Variants in ADGRL3 observed in about 807,000 individuals in gnomAD.
ADGRL3 encodes the protein adhesion G protein-coupled receptor L3.
ADGRL3 carries 62 observed loss-of-function variants against 153.5 expected under a neutral mutation model. The observed-to-expected ratio is 0.40, with a 90% confidence interval of 0.33 to 0.50. The LOEUF is 0.50. Among genes scored for constraint, ADGRL3 ranks in the 20% least tolerant of loss-of-function variants. The probability of loss-of-function intolerance (pLI) is 0.47; values close to 1 mark genes in which losing one functional copy is unlikely to be tolerated. For missense variants in ADGRL3, 1,641 were observed against 1,859.4 expected (o/e 0.88, Z 2.16); for synonymous variants, 710 against 672.5 (o/e 1.06, Z -0.86).
rs536476739 is a variant in ADGRL3, at chr4:61,200,873, A to C, written c.-1132A>C. Among the ~76,000 whole-genome samples the C allele has an allele frequency of 6.6e-6, 1 of 151,308 alleles. No individual in the cohort carries two copies. Among genetic ancestry groups the C allele is most frequent in the South Asian group, 2.1e-4 (1 of 4,790 alleles). ...GCCCGGCCCGGCCGGCGAGCTAATC[A>C]TCCACCCCACGGGCTCGGGGTTCGC... On this transcript the variant is annotated 5_prime_UTR_variant, in exon 1 of 27. Coordinates refer to ENST00000683033, the MANE Select transcript of ADGRL3 (RefSeq NM_001387552.1).
chr4:61,458,906 C>T (rs573834490), intron 2 of ADGRL3, among the ~76,000 whole-genome samples: 4 of 151,534 alleles, frequency 2.6e-5, no homozygotes, highest in African/African-American at 9.6e-5. Flanking sequence ...CTATTTACCA[C>T]ATTTTTCTAT....
chr4:61,502,945 T>C (rs1484463046), intron 3 of ADGRL3, among the ~76,000 whole-genome samples: 1 of 152,182 alleles, frequency 6.6e-6, no homozygotes, highest in African/African-American at 2.4e-5. Flanking sequence ...TCTGCAGTAA[T>C]ATAACTATGT....
intron 1 of ADGRL3, among the ~76,000 whole-genome samples, chr4:61,374,549 A>C (rs77701387): frequency 0.013 from 2,019 of 152,244 alleles, 46 homozygotes; most frequent in African/African-American, 0.046. Flanking sequence ...CTCAGTACTG[A>C]AGATTTTCTG....
intron 1 of ADGRL3, among the ~76,000 whole-genome samples, chr4:61,378,117 A>G (rs571167026): frequency 6.6e-6 from 1 of 152,056 alleles, no homozygotes; most frequent in Admixed American, 6.6e-5. Context: ...CATTAAGCCT[A>G]TTTGGGGATG....
At chr4:61,455,742 A>G (rs1725265271) in intron 2 of ADGRL3, among the ~76,000 whole-genome samples, 1 of 152,060 alleles carries the variant, frequency 6.6e-6, no homozygotes, top group Non-Finnish European at 1.5e-5. Context: ...GCAACTTCTC[A>G]GCTATTGTAT....
intron 9 of ADGRL3, among the ~76,000 whole-genome samples, chr4:61,839,196 T>G (rs1191133891): frequency 6.6e-6 from 1 of 152,088 alleles, no homozygotes; most frequent in Non-Finnish European, 1.5e-5. Flanking sequence ...TTTGTTTTGT[T>G]TTTCTTTTTT....
chr4:61,862,255 G>T (rs1220329811), intron 9 of ADGRL3, among the ~76,000 whole-genome samples: 6 of 152,100 alleles, frequency 3.9e-5, no homozygotes, highest in Non-Finnish European at 1.5e-5. Context: ...TTTCTCTATG[G>T]CAAGGTCACA....
chr4:61,986,022 T>G (rs2099084425), intron 19 of ADGRL3, among the ~76,000 whole-genome samples: 3 of 151,624 alleles, frequency 2.0e-5, no homozygotes, highest in African/African-American at 7.3e-5. Context: ...CTTTGATATA[T>G]TCATGTAACA....
intron 2 of ADGRL3, among the ~76,000 whole-genome samples, chr4:61,491,561 T>A (rs2098258212): frequency 6.6e-6 from 1 of 152,136 alleles, no homozygotes; most frequent in South Asian, 2.1e-4. Flanking sequence ...AACTGGTTAT[T>A]CTTCTTTGTA....
chr4:61,320,249 C>T (rs747643921), intron 1 of ADGRL3, among the ~76,000 whole-genome samples: 76 of 152,208 alleles, frequency 5.0e-4, no homozygotes, highest in Non-Finnish European at 6.3e-4. Flanking sequence ...AAGTCCAGGC[C>T]GACTAATGTA....
intron 1 of ADGRL3, among the ~76,000 whole-genome samples, chr4:61,368,991 A>C (rs1207442778): frequency 1.3e-5 from 2 of 152,160 alleles, no homozygotes; most frequent in Admixed American, 6.6e-5. Flanking sequence ...CTTTGAAGCA[A>C]TTGTGAATGG....
chr4:62,029,770 C>G (rs541381196), intron 22 of ADGRL3, among the ~76,000 whole-genome samples: 2 of 149,824 alleles, frequency 1.3e-5, no homozygotes, highest in Admixed American at 6.7e-5. Context: ...TTGGGCCCAT[C>G]ATGTGTTTTC....
chr4:61,266,852 C>G (rs2092876654), intron 1 of ADGRL3, among the ~76,000 whole-genome samples: 1 of 151,644 alleles, frequency 6.6e-6, no homozygotes, highest in African/African-American at 2.4e-5. Flanking sequence ...ATAGTAAAAT[C>G]ATAGGAACGT....
At chr4:61,241,582 A>G (rs1021653447) in intron 1 of ADGRL3, among the ~76,000 whole-genome samples, 6 of 152,060 alleles carry the variant, frequency 3.9e-5, no homozygotes, top group Non-Finnish European at 7.4e-5. Context: ...TTTATAGGTT[A>G]CTTAGAAACA....
At chr4:61,257,781 A>G (rs1227387413) in intron 1 of ADGRL3, among the ~76,000 whole-genome samples, 3 of 152,184 alleles carry the variant, frequency 2.0e-5, no homozygotes, top group Non-Finnish European at 4.4e-5. Flanking sequence ...CAAACTTATT[A>G]AAGATTATTT....
chr4:61,519,056 T>G (rs2098514817), intron 4 of ADGRL3, among the ~76,000 whole-genome samples: 1 of 152,164 alleles, frequency 6.6e-6, no homozygotes, highest in Non-Finnish European at 1.5e-5. Flanking sequence ...TTTCTAGAAT[T>G]AAGAAGAAAT....
intron 1 of ADGRL3, among the ~76,000 whole-genome samples, chr4:61,271,531 G>A (rs560040316): frequency 2.6e-5 from 4 of 152,056 alleles, no homozygotes; most frequent in African/African-American, 9.6e-5. Context: ...ACAACAAAAA[G>A]TAAATTACTG....
chr4:61,314,177 CTT>C (rs1015414173), intron 1 of ADGRL3, among the ~76,000 whole-genome samples: 9 of 150,610 alleles, frequency 6.0e-5, no homozygotes, highest in Admixed American at 2.0e-4. Context: ...CACAAGCTGA[CTT>C]TGTTTTATCT....
intron 1 of ADGRL3, among the ~76,000 whole-genome samples, chr4:61,301,794 A>T (rs1305803573): frequency 6.6e-6 from 1 of 152,186 alleles, no homozygotes; most frequent in Non-Finnish European, 1.5e-5. Flanking sequence ...ACAAATCTGA[A>T]ATAACAGCAC....
Sources: gnomAD v4.1 joint callset for allele counts (sites outside exome capture counted in the v4.1 genomes callset) on GRCh38, gnomAD v4.1.1 for gene constraint, MANE v1.5 for transcripts, NCBI Gene and HGNC (gene_info 2026-07-23, HGNC 2026-07-21) for gene names.